The following RGL1 variants were observed in gnomAD, a reference collection of about 807,000 sequenced individuals.
The protein encoded by RGL1 is ral guanine nucleotide dissociation stimulator like 1.
Under a neutral mutation model 95.2 loss-of-function variants are expected in RGL1, and 24 were observed. The ratio of observed to expected loss-of-function variants is 0.25; its 90% CI spans 0.18 to 0.35. The LOEUF is 0.35. RGL1 is among the 10% of genes least tolerant of loss of function. The pLI is 1.00. For synonymous variants in RGL1, 329 were observed against 344.9 expected (o/e 0.95, Z 0.51); for missense variants, 715 against 936.3 (o/e 0.76, Z 3.08).
At chr1:183,792,026 C>T (rs1463142180) in intron 2 of RGL1, among the ~76,000 whole-genome samples, 1 of 152,102 alleles carries the variant, frequency 6.6e-6, no homozygotes, top group Non-Finnish European at 1.5e-5. Context: ...CTTTCTACCA[C>T]TCTTCAATAT....
At chr1:183,798,962 T>C (rs755834140) in intron 2 of RGL1, among the ~76,000 whole-genome samples, 33 of 147,336 alleles carry the variant, frequency 2.2e-4, no homozygotes, top group Non-Finnish European at 3.7e-4. Context: ...TGGAGTGCAG[T>C]GGCACCATCT....
intron 17 of RGL1, among the ~76,000 whole-genome samples, chr1:183,924,236 A>G (rs1301920721): frequency 6.6e-6 from 1 of 152,232 alleles, no homozygotes; most frequent in Non-Finnish European, 1.5e-5. Context: ...TCAATGATAG[A>G]CTGGATAAAG....
chr1:183,881,252 G>A (rs968545103), intron 5 of RGL1, among the ~76,000 whole-genome samples: 1 of 152,172 alleles, frequency 6.6e-6, no homozygotes, highest in African/African-American at 2.4e-5. Context: ...AAGGAATGAA[G>A]TCTAGTTCTG....
intron 2 of RGL1, among the ~76,000 whole-genome samples, chr1:183,795,060 G>T (rs1660628572): frequency 6.6e-6 from 1 of 152,022 alleles, no homozygotes; most frequent in Admixed American, 6.5e-5. Flanking sequence ...TTTGAGACAG[G>T]GTCTTGCTGC....
rs143100961 is a variant in RGL1 at position 183,884,199 on chromosome 1, G to A, written c.735+289G>A. The stretch of plus-strand genomic sequence containing the variant: ...AAACAAAATCTGCCTTGTTCTGTGG[G>A]TATTTTTCTCCCTTTACACTCATAA... On this transcript the variant is annotated intron_variant, in intron 6 of 17. Coordinates refer to ENST00000360851, the MANE Select transcript of RGL1 (RefSeq NM_001297671.3). Among the ~76,000 whole-genome samples the A allele has an allele frequency of 2.4e-3, 360 of 152,326 alleles. 2 individuals are homozygous for A. The highest frequency in any genetic ancestry group is 3.4e-3 in the Middle Eastern group (1 of 294).
At chr1:183,648,040 T>G in intron 1 of RGL1, 2 of 1,614,232 alleles carry the variant, frequency 1.2e-6, no homozygotes, top group Non-Finnish European at 1.7e-6. Flanking sequence ...TTTGGATTCC[T>G]TTTTGTCTGG....
At chr1:183,677,396 A>G (rs1652899211) in intron 1 of RGL1, among the ~76,000 whole-genome samples, 1 of 151,990 alleles carries the variant, frequency 6.6e-6, no homozygotes, top group Admixed American at 6.6e-5. Flanking sequence ...GCTTCAGACT[A>G]GAAACTCCAA....
chr1:183,726,453 T>C (rs1052131578), intron 1 of RGL1, among the ~76,000 whole-genome samples: 1 of 152,036 alleles, frequency 6.6e-6, no homozygotes, highest in African/African-American at 2.4e-5. Flanking sequence ...ATCTCTAAGA[T>C]TCTTTATATA....
At chr1:183,710,884 A>G (rs75020585) in intron 1 of RGL1, among the ~76,000 whole-genome samples, 3,756 of 152,288 alleles carry the variant, frequency 0.025, 71 homozygotes, top group South Asian at 0.048. Context: ...GGATAACTAG[A>G]AGGAAAAGGG....
chr1:183,908,296 G>A (rs142468208), intron 14 of RGL1, among the ~76,000 whole-genome samples: 3,405 of 152,170 alleles, frequency 0.022, 59 homozygotes, highest in Middle Eastern at 0.044. Flanking sequence ...CCATGTCCCC[G>A]GTGTAACATA....
At chr1:183,652,576 T>A (rs541834003) in intron 1 of RGL1, among the ~76,000 whole-genome samples, 2 of 151,116 alleles carry the variant, frequency 1.3e-5, no homozygotes, top group Admixed American at 1.3e-4. Flanking sequence ...TCTTGTTAAC[T>A]TTTGGTATCT....
chr1:183,876,455 C>G (rs1210455597), intron 4 of RGL1, among the ~76,000 whole-genome samples: 1 of 152,240 alleles, frequency 6.6e-6, no homozygotes, highest in East Asian at 1.9e-4. Context: ...GCCTTGGCCA[C>G]CTACCCGGCA....
intron 2 of RGL1, among the ~76,000 whole-genome samples, chr1:183,777,591 C>T (rs922489876): frequency 6.6e-6 from 1 of 152,190 alleles, no homozygotes; most frequent in African/African-American, 2.4e-5. Flanking sequence ...CATTTGGTGA[C>T]CTTGCCTGTG....
intron 1 of RGL1, among the ~76,000 whole-genome samples, chr1:183,670,151 C>A (rs1193651243): frequency 6.6e-6 from 1 of 152,122 alleles, no homozygotes; most frequent in African/African-American, 2.4e-5. Context: ...CTCTCCATCT[C>A]CCCACTCCCA....
intron 1 of RGL1, among the ~76,000 whole-genome samples, chr1:183,693,988 C>T (rs1654112064): frequency 6.6e-6 from 1 of 152,172 alleles, no homozygotes; most frequent in African/African-American, 2.4e-5. Flanking sequence ...TTTAATCAGT[C>T]TCCTAGAAAT....
chr1:183,864,469 C>T (rs1345572803), intron 3 of RGL1, among the ~76,000 whole-genome samples: 1 of 152,214 alleles, frequency 6.6e-6, no homozygotes, highest in Non-Finnish European at 1.5e-5. Flanking sequence ...CTTAAATAAA[C>T]CACCAAGCCT....
intron 1 of RGL1, among the ~76,000 whole-genome samples, chr1:183,720,984 C>T (rs1362596914): frequency 2.0e-5 from 3 of 151,980 alleles, no homozygotes; most frequent in African/African-American, 4.8e-5. Flanking sequence ...ATCAAGTTTG[C>T]GAGGGAAATA....
At chr1:183,912,736 C>T (rs1372962330) in intron 15 of RGL1, among the ~76,000 whole-genome samples, 2 of 152,168 alleles carry the variant, frequency 1.3e-5, no homozygotes, top group East Asian at 1.9e-4. Flanking sequence ...TGACACTAGG[C>T]CACAGATTTG....
intron 2 of RGL1, among the ~76,000 whole-genome samples, chr1:183,839,025 T>C (rs1438522407): frequency 6.6e-6 from 1 of 152,150 alleles, no homozygotes; most frequent in African/African-American, 2.4e-5. Context: ...GTGAATCTGG[T>C]GGTGAAGATT....
Sources: gnomAD v4.1 joint callset for allele counts (sites outside exome capture counted in the v4.1 genomes callset) on GRCh38, gnomAD v4.1.1 for gene constraint, MANE v1.5 for transcripts, NCBI Gene and HGNC (gene_info 2026-07-23, HGNC 2026-07-21) for gene names.